PARP15: variants seen among roughly 807,000 people sequenced by gnomAD.
PARP15 encodes protein mono-ADP-ribosyltransferase PARP15.
In PARP15, 50 loss-of-function variants were observed where a neutral mutation model predicts 62.1. The observed-to-expected ratio is 0.81, with a 90% CI of 0.64 to 1.02. The LOEUF (loss-of-function observed/expected upper bound fraction) is 1.02. PARP15 is among the 50% of genes least tolerant of loss of function. PARP15 has a pLI of 0.00. For synonymous variants in PARP15, 309 were observed against 293.1 expected (o/e 1.05, Z -0.55); for missense variants, 820 against 826.5 (o/e 0.99, Z 0.10).
Position 122,615,381 on chromosome 3 carries a change from G to A in PARP15, c.772-398G>A, listed in dbSNP as rs557618547. 3.7e-4 allele frequency: 474 copies of A among 1,296,732 alleles called. 1 individual carries two copies. Among genetic ancestry groups the A allele is most frequent in the Middle Eastern group, 1.1e-3 (5 of 4,748 alleles). 80.3% of individuals were successfully genotyped at this position (1,296,732 alleles called of 1,614,324 possible). On this transcript the variant is annotated intron_variant, in intron 4 of 11. Coordinates refer to ENST00000464300, the MANE Select transcript of PARP15 (RefSeq NM_001113523.3). ...CTAACAGCCAAAGATGCCAAGGAAC[G>A]TTGTTGCCCTGCCCCCTGCTCACCT...
Position 122,617,086 on chromosome 3 carries a change from G to C in PARP15, c.922G>C (p.Val308Leu). 1 of 1,613,994 alleles carries C rather than the reference G, an allele frequency of 6.2e-7. No individual in the cohort carries two copies. Among genetic ancestry groups the C allele is most frequent in the Non-Finnish European group, 8.5e-7 (1 of 1,179,926 alleles). ...GAAAATCGGTGCAATTACTTTTCAG[G>C]TTGCTACTGGAGATATAGCCACTGA... Reference protein sequence around the residue: ...EMKIGAITFQVATGDIATEQV... With the variant: ...EMKIGAITFQLATGDIATEQV... Residue 308 changes from valine (V) to leucine (L), a missense_variant, in exon 6 of 12, where the codon GTT becomes CTT. Physicochemically the swap from Val to Leu is conservative, Grantham distance 32 (BLOSUM62 1). Transcript: ENST00000464300.
chr3:122,586,855 C>T (rs886663711), intron 1 of PARP15, among the ~76,000 whole-genome samples: 1 of 152,094 alleles, frequency 6.6e-6, no homozygotes, highest in African/African-American at 2.4e-5. Flanking sequence ...GGCTGTTGTA[C>T]ATTCTGTGGA....
At chr3:122,619,072 A>G (rs1410942945) in intron 6 of PARP15, among the ~76,000 whole-genome samples, 1 of 152,188 alleles carries the variant, frequency 6.6e-6, no homozygotes, top group Non-Finnish European at 1.5e-5. Flanking sequence ...AACAACTAAC[A>G]TTCATTCAAT....
chr3:122,612,980 C>T lies in PARP15; in HGVS notation c.544-61C>T, dbSNP rs181335175. The T allele has an allele frequency of 2.4e-3, 3,404 of 1,417,342 alleles. 19 individuals carry two copies. The highest frequency in any genetic ancestry group is 2.3e-3 in the Non-Finnish European group (2,343 of 1,028,318). The allele number at this position is 1,417,342 out of a possible 1,614,324, so 87.8% of individuals were successfully genotyped here. A position where few individuals can be genotyped will look rare whatever the true frequency, so the allele number is the denominator to read the frequency against. ...CTTGTCAGAGTTGCTGGGACCACAA[C>T]TCTTTCTGTTTTCCGCTAGCTTAAG... On this transcript the variant is annotated intron_variant, in intron 3 of 11. Transcript: ENST00000464300.
intron 1 of PARP15, among the ~76,000 whole-genome samples, chr3:122,604,730 G>A (rs1272820823): frequency 6.6e-6 from 1 of 152,090 alleles, no homozygotes; most frequent in Non-Finnish European, 1.5e-5. Context: ...GAGTGGTGGC[G>A]AGTGCCTGTA....
intron 1 of PARP15, among the ~76,000 whole-genome samples, chr3:122,605,615 G>A (rs775248928): frequency 5.3e-5 from 8 of 151,928 alleles, no homozygotes; most frequent in African/African-American, 7.3e-5. Flanking sequence ...GCTTTGTTAC[G>A]CAGGCTGGAG....
chr3:122,610,000 C>T (rs1018575757), intron 2 of PARP15, among the ~76,000 whole-genome samples: 1 of 152,226 alleles, frequency 6.6e-6, no homozygotes, highest in Admixed American at 6.5e-5. Context: ...CCCTCCTTCA[C>T]ATTGACCTAG....
chr3:122,605,706 G>A (rs1432996123), intron 1 of PARP15, among the ~76,000 whole-genome samples: 4 of 151,918 alleles, frequency 2.6e-5, no homozygotes, highest in Non-Finnish European at 4.4e-5. Flanking sequence ...CCTAAGTAGT[G>A]GGCACTACAG....
At chr3:122,635,238 T>C in intron 11 of PARP15, 44 bp downstream of exon 11, 1 of 1,581,392 alleles carries the variant, frequency 6.3e-7, no homozygotes. Flanking sequence ...AGGCAAACAA[T>C]AGTCTCAGAC....
chr3:122,629,246 G>A (rs988213158), intron 9 of PARP15, among the ~76,000 whole-genome samples: 2 of 152,042 alleles, frequency 1.3e-5, no homozygotes, highest in African/African-American at 2.4e-5. Context: ...CACTGCAACC[G>A]CTGCCTCCCA....
intron 4 of PARP15, 98 bp from the exon 5 acceptor site, chr3:122,615,681 G>A: frequency 6.3e-7 from 1 of 1,594,800 alleles, no homozygotes; most frequent in South Asian, 1.1e-5. Flanking sequence ...GAGAACTATT[G>A]TTATCAACTC....
chr3:122,608,537 T>C (rs994698306), intron 2 of PARP15, among the ~76,000 whole-genome samples: 3 of 152,116 alleles, frequency 2.0e-5, no homozygotes, highest in African/African-American at 7.2e-5. Context: ...CTTTCTTAAA[T>C]ATTCCATGCA....
chr3:122,604,683 T>C (rs1335182963), intron 1 of PARP15, among the ~76,000 whole-genome samples: 3 of 151,990 alleles, frequency 2.0e-5, no homozygotes, highest in African/African-American at 7.3e-5. Flanking sequence ...AAAAAGATAA[T>C]TTTTGTATCT....
chr3:122,615,639 T>G (rs1935910587), intron 4 of PARP15, 140 bp from the exon 5 acceptor site: 2 of 1,527,632 alleles, frequency 1.3e-6, no homozygotes. Flanking sequence ...CGCAATCCTT[T>G]AAGAAGTCTC....
chr3:122,584,589 C>T (rs529096679), intron 1 of PARP15, among the ~76,000 whole-genome samples: 119 of 58,418 alleles, frequency 2.0e-3, no homozygotes, highest in African/African-American at 8.1e-3. Flanking sequence ...TTTTTTTTTT[C>T]CGAGATGGAG....
intron 5 of PARP15, among the ~76,000 whole-genome samples, chr3:122,616,330 T>A (rs1005218245): frequency 1.4e-5 from 2 of 147,432 alleles, no homozygotes; most frequent in Admixed American, 1.4e-4. Flanking sequence ...GAGCAGTCTT[T>A]TTTTTTTTTT....
rs1418159594 is a variant in PARP15 at position 122,583,958 on chromosome 3, C to G, written c.186+6105C>G. Among the ~76,000 whole-genome samples, 6 of 152,308 alleles carry G rather than the reference C, an allele frequency of 3.9e-5. 1 individual carries two copies. In the South Asian group the frequency reaches 1.2e-3, roughly 32 times the overall value. The stretch of plus-strand genomic sequence containing the variant: ...CTGTCTCCTCAACTCAGTGAGGCTT[C>G]CAGGCTTCTTCTGAGTTTCTTTTTC... On this transcript the variant is annotated intron_variant, in intron 1 of 11. Coordinates refer to ENST00000464300, the MANE Select transcript of PARP15 (RefSeq NM_001113523.3).
At chr3:122,584,955 A>G (rs888834282) in intron 1 of PARP15, among the ~76,000 whole-genome samples, 1 of 152,178 alleles carries the variant, frequency 6.6e-6, no homozygotes, top group Admixed American at 6.5e-5. Flanking sequence ...TTTGGAAATA[A>G]TCATGTTGGT....
At chr3:122,590,304 G>A (rs373097010) in intron 1 of PARP15, among the ~76,000 whole-genome samples, 2 of 151,346 alleles carry the variant, frequency 1.3e-5, no homozygotes, top group African/African-American at 2.4e-5. Context: ...ATGGGGTCTC[G>A]CTCTGTTGCC....
Sources: allele counts gnomAD v4.1 joint callset (sites outside exome capture counted in the v4.1 genomes callset), GRCh38; gene constraint gnomAD v4.1.1; transcripts MANE v1.5; gene names NCBI Gene and HGNC (gene_info 2026-07-23, HGNC 2026-07-21).